The following OPCML variants were observed in gnomAD, a reference collection of about 807,000 sequenced individuals.
OPCML encodes opioid binding protein/cell adhesion molecule like.
In OPCML, 13 loss-of-function variants were observed where a neutral mutation model predicts 37.8. That is an observed-to-expected ratio of 0.34 (90% CI 0.22 to 0.55). The LOEUF is 0.55. OPCML is among the 20% of genes least tolerant of loss of function. The probability of loss-of-function intolerance (pLI) is 0.91; values close to 1 mark genes in which losing one functional copy is unlikely to be tolerated. For synonymous variants in OPCML, 176 were observed against 168.8 expected (o/e 1.04, Z -0.33); for missense variants, 341 against 435.6 (o/e 0.78, Z 1.93).
chr11:132,430,790 C>T (rs2136702345), intron 7 of OPCML, among the ~76,000 whole-genome samples: 1 of 152,318 alleles, frequency 6.6e-6, no homozygotes, highest in Non-Finnish European at 1.5e-5. Flanking sequence ...TCTCTCTCCC[C>T]TTCCCCTGCC....
chr11:132,876,904 A>G (rs1188329051), intron 2 of OPCML, among the ~76,000 whole-genome samples: 1 of 152,204 alleles, frequency 6.6e-6, no homozygotes, highest in Non-Finnish European at 1.5e-5. Flanking sequence ...GGGGCATGAA[A>G]CCACAGACTG....
chr11:132,755,995 CCT>C (rs924947511), intron 2 of OPCML, among the ~76,000 whole-genome samples: 10 of 152,252 alleles, frequency 6.6e-5, no homozygotes, highest in Admixed American at 4.6e-4. Context: ...CACCATGTCC[CCT>C]GTCTACTCTG....
intron 1 of OPCML, among the ~76,000 whole-genome samples, chr11:133,098,846 T>C (rs759336377): frequency 1.3e-5 from 2 of 152,100 alleles, no homozygotes; most frequent in Non-Finnish European, 2.9e-5. Flanking sequence ...AAAGAAAATA[T>C]AATGCATATA....
At chr11:132,790,355 G>A (rs1331120444) in intron 2 of OPCML, among the ~76,000 whole-genome samples, 2 of 152,202 alleles carry the variant, frequency 1.3e-5, no homozygotes, top group Non-Finnish European at 2.9e-5. Context: ...ACAGGTGGAA[G>A]AAAAGAGTTG....
intron 1 of OPCML, among the ~76,000 whole-genome samples, chr11:133,033,406 C>T (rs59352604): frequency 0.1 from 15,793 of 152,186 alleles, 1,298 homozygotes; most frequent in East Asian, 0.3. Context: ...GCATTCATGA[C>T]GTCTTCAATA....
rs189196307 is a variant in OPCML, at chr11:132,558,676, C to T, written c.380-29490G>A. Among the ~76,000 whole-genome samples the T allele has an allele frequency of 5.1e-4, 78 of 151,466 alleles. 1 individual carries two copies. Among genetic ancestry groups the T allele is most frequent in the Middle Eastern group, 3.4e-3 (1 of 294 alleles). On this transcript the variant is annotated intron_variant, in intron 3 of 7. Transcript: ENST00000524381. ...ATACCTCTTTTATGATTGTATCCTC[C>T]TCATTTAACAGACTAAAATACAAAT...
At chr11:132,871,217 A>T (rs1371850267) in intron 2 of OPCML, among the ~76,000 whole-genome samples, 3 of 151,768 alleles carry the variant, frequency 2.0e-5, no homozygotes, top group Middle Eastern at 3.2e-3. Flanking sequence ...TTAATTTAAA[A>T]AAAAAAAAAA....
At chr11:133,347,657 T>C (rs1329557949) in intron 1 of OPCML, among the ~76,000 whole-genome samples, 2 of 152,212 alleles carry the variant, frequency 1.3e-5, no homozygotes, top group Non-Finnish European at 2.9e-5. Flanking sequence ...CTGTCTGTAT[T>C]TGGACATAGC....
chr11:133,115,778 T>C (rs527238790), intron 1 of OPCML, among the ~76,000 whole-genome samples: 1 of 152,264 alleles, frequency 6.6e-6, no homozygotes, highest in Admixed American at 6.5e-5. Flanking sequence ...TAAAATATCT[T>C]ATAGAATGTT....
At chr11:133,252,910 G>A (rs1474280536) in intron 1 of OPCML, among the ~76,000 whole-genome samples, 1 of 152,156 alleles carries the variant, frequency 6.6e-6, no homozygotes, top group Non-Finnish European at 1.5e-5. Context: ...CACTTTGGGA[G>A]GCCAAGGCGG....
chr11:133,386,667 C>A (rs372423664), intron 1 of OPCML, among the ~76,000 whole-genome samples: 1 of 152,342 alleles, frequency 6.6e-6, no homozygotes, highest in Non-Finnish European at 1.5e-5. Context: ...TCTGCGATGT[C>A]CTCTTTTAAT....
chr11:132,460,418 T>G (rs2096097296), intron 4 of OPCML, among the ~76,000 whole-genome samples: 2 of 152,170 alleles, frequency 1.3e-5, no homozygotes, highest in Non-Finnish European at 2.9e-5. Context: ...AATAAGAGTT[T>G]CAACCTCACA....
At chr11:133,438,805 C>T (rs1027689699) in intron 1 of OPCML, among the ~76,000 whole-genome samples, 3 of 152,130 alleles carry the variant, frequency 2.0e-5, no homozygotes, top group Non-Finnish European at 4.4e-5. Context: ...TGATCCCCAA[C>T]GGTCAACGAT....
chr11:133,268,720 ATTC>A (rs1941731044), intron 1 of OPCML, among the ~76,000 whole-genome samples: 2 of 152,264 alleles, frequency 1.3e-5, no homozygotes, highest in Admixed American at 6.5e-5. Context: ...AGCAAGTTAA[ATTC>A]ATCATCTTAT....
chr11:133,249,090 G>C (rs1941044191), intron 1 of OPCML, among the ~76,000 whole-genome samples: 1 of 152,198 alleles, frequency 6.6e-6, no homozygotes, highest in Non-Finnish European at 1.5e-5. Context: ...CATGAAAGGA[G>C]TAAGATTTAG....
chr11:133,195,904 G>A (rs1269007942), intron 1 of OPCML, among the ~76,000 whole-genome samples: 14 of 152,236 alleles, frequency 9.2e-5, no homozygotes, highest in Non-Finnish European at 1.3e-4. Flanking sequence ...GAAAGGTAGC[G>A]CACTCATAGA....
At chr11:132,991,564 C>T (rs933974213) in intron 1 of OPCML, among the ~76,000 whole-genome samples, 11 of 152,314 alleles carry the variant, frequency 7.2e-5, no homozygotes, top group African/African-American at 1.7e-4. Flanking sequence ...AAGGGCTCTA[C>T]GGTGAAGACC....
intron 2 of OPCML, among the ~76,000 whole-genome samples, chr11:132,903,008 T>C (rs1312586833): frequency 6.6e-6 from 1 of 152,146 alleles, no homozygotes; most frequent in Non-Finnish European, 1.5e-5. Context: ...AGGCAATTGT[T>C]TCTTGGGCTC....
chr11:132,518,355 C>T (rs2096284818), intron 4 of OPCML, among the ~76,000 whole-genome samples: 1 of 152,152 alleles, frequency 6.6e-6, no homozygotes, highest in Non-Finnish European at 1.5e-5. Context: ...TGTTAGTTTG[C>T]TGAGGATGAT....
Sources: allele counts gnomAD v4.1 joint callset (sites outside exome capture counted in the v4.1 genomes callset), GRCh38; gene constraint gnomAD v4.1.1; transcripts MANE v1.5; gene names NCBI Gene and HGNC (gene_info 2026-07-23, HGNC 2026-07-21).